FAM3A: variants seen among roughly 807,000 people sequenced by gnomAD.
FAM3A encodes protein FAM3A.
A neutral mutation model predicts 18.1 loss-of-function variants in FAM3A; 5 were observed. The ratio of observed to expected loss-of-function variants is 0.28; its 90% confidence interval spans 0.14 to 0.58. The LOEUF (loss-of-function observed/expected upper bound fraction) is 0.58. Among genes scored for constraint, FAM3A ranks in the 20% least tolerant of loss-of-function variants. The pLI is 0.91. For missense variants in FAM3A, 154 were observed against 216.6 expected (o/e 0.71, Z 1.81); for synonymous variants, 108 against 90.2 (o/e 1.20, Z -1.12).
chrX:154,508,901 G>T (rs868937215), intron 3 of FAM3A: 15 of 393,021 alleles, frequency 3.8e-5, no homozygotes, highest in Non-Finnish European at 5.8e-5. Flanking sequence ...CAGGCTGGGG[G>T]TCTAGCTGCA....
intron 1 of FAM3A, among the ~76,000 whole-genome samples, chrX:154,514,768 C>G (rs1167354603): frequency 6.3e-5 from 7 of 111,806 alleles, no homozygotes; most frequent in Non-Finnish European, 1.3e-4. Context: ...AGACTGGTCT[C>G]GAACTCTTGA....
In FAM3A at chrX:154,506,762, T is replaced by TGACTCCCTTGGTCTG; in HGVS notation, c.*48_*49insCAGACCAAGGGAGTC. The TGACTCCCTTGGTCTG allele has an allele frequency of 4.7e-6, 5 of 1,074,123 alleles. No homozygotes were observed. Among genetic ancestry groups the TGACTCCCTTGGTCTG allele is most frequent in the Non-Finnish European group, 6.5e-6 (5 of 774,134 alleles). 88.5% of individuals were successfully genotyped at this position (1,074,123 alleles called of 1,213,427 possible). On this transcript the variant is annotated 3_prime_UTR_variant, in exon 9 of 9. Transcript: ENST00000447601. Reference sequence around the variant, plus strand: ...GCCTCTGTCCGCCCGGCAGCGCGCGTGCCTCCCTTGGTCTGGCCTCCCTCG... The same window carrying TGACTCCCTTGGTCTG: ...GCCTCTGTCCGCCCGGCAGCGCGCGTGACTCCCTTGGTCTGGCCTCCCTTGGTCTGGCCTCCCTCG...
intron 1 of FAM3A, 28 bp from the exon 2 acceptor site, chrX:154,512,964 G>T: frequency 9.5e-7 from 1 of 1,056,151 alleles, no homozygotes; most frequent in Non-Finnish European, 1.3e-6. Flanking sequence ...ACAGGGTGGG[G>T]TCACCTCAGA....
intron 3 of FAM3A, chrX:154,510,486 A>G (rs1407663714): frequency 1.0e-5 from 1 of 97,303 alleles, no homozygotes; most frequent in Non-Finnish European, 2.0e-5. Context: ...GGATGATACC[A>G]CTGAACTCCA....
At position 154,506,778 on chromosome X, in the gene FAM3A, G is replaced by A. The variant is rs1557218448; in HGVS notation, c.*33C>T. 25 of 1,160,674 alleles carry A rather than the reference G, an allele frequency of 2.2e-5. No individual in the cohort carries two copies. The highest frequency in any genetic ancestry group is 2.9e-5 in the Non-Finnish European group (25 of 850,989). ...CAGCGCGCGTGCCTCCCTTGGTCTG[G>A]CCTCCCTCGGCCCGGTCCTGGCACT... On this transcript the variant is annotated 3_prime_UTR_variant, in exon 9 of 9. Transcript: ENST00000447601.
chrX:154,506,908 T>C lies in FAM3A; in HGVS notation c.598-2A>G. Reference sequence around the variant, plus strand: ...GCTGTGCTTACTGTTCTTCACGTGCTGTGGGGAGGGGAGCAGAAAGTCATG... The same window carrying C: ...GCTGTGCTTACTGTTCTTCACGTGCCGTGGGGAGGGGAGCAGAAAGTCATG... On this transcript the variant is annotated splice_acceptor_variant, in intron 8 of 8. Coordinates refer to ENST00000447601, the MANE Select transcript of FAM3A (RefSeq NM_021806.4). LOFTEE classifies it high-confidence loss of function. 8.3e-7 allele frequency: 1 copy of C among 1,203,968 alleles called. No individual in the cohort carries two copies. Among genetic ancestry groups the C allele is most frequent in the Non-Finnish European group, 1.1e-6 (1 of 888,869 alleles).
intron 8 of FAM3A, 78 bp downstream of exon 8, chrX:154,507,125 G>T (rs1010717080): frequency 1.2e-5 from 13 of 1,128,128 alleles, no homozygotes; most frequent in African/African-American, 1.1e-4. Context: ...GGCGTGAGCA[G>T]CTGGGGAGGC....
Position 154,512,869 on chromosome X carries a change from C to T in FAM3A, c.81G>A (p.Leu27=), listed in dbSNP as rs781822318. The T allele has an allele frequency of 4.1e-6, 5 of 1,209,766 alleles. No homozygotes were observed. The East Asian group carries it at 1.5e-4, about 36-fold the overall frequency. Residue 27 remains leucine (L), a synonymous_variant, in exon 2 of 9, where the codon CTG becomes CTA. Coordinates refer to ENST00000447601, the MANE Select transcript of FAM3A (RefSeq NM_021806.4). Reference sequence around the variant, plus strand: ...GAGGAAAGCCACTGCCAGGCCCACCCAGGAGGATGCTGACCACGATCCATG... The same window carrying T: ...GAGGAAAGCCACTGCCAGGCCCACCTAGGAGGATGCTGACCACGATCCATG... ...GVTWIVVSIL[L]GGPGSGFPRI...
At chrX:154,513,188 G>A (rs1319393968) in intron 1 of FAM3A, among the ~76,000 whole-genome samples, 2 of 111,552 alleles carry the variant, frequency 1.8e-5, no homozygotes, top group East Asian at 2.8e-4. Flanking sequence ...CTGGGAGGGG[G>A]CCTTCCAGAA....
In FAM3A at chrX:154,506,580, CGGGT is replaced by C. The variant is rs2069532818; in HGVS notation, c.*227_*230del. 1 of 413,211 alleles carries C rather than the reference CGGGT, an allele frequency of 2.4e-6. No homozygotes were observed. Among genetic ancestry groups the C allele is most frequent in the Non-Finnish European group, 4.2e-6 (1 of 235,501 alleles). 34.1% of individuals were successfully genotyped at this position (413,211 alleles called of 1,213,427 possible). A position where few individuals can be genotyped will look rare whatever the true frequency, so the allele number is the denominator to read the frequency against. On this transcript the variant is annotated 3_prime_UTR_variant, in exon 9 of 9. Coordinates refer to ENST00000447601, the MANE Select transcript of FAM3A (RefSeq NM_021806.4). Reference sequence around the variant, plus strand: ...GGGGAACAGTGTTACGAAAAGGAGGCGGGTACCCTGGGCTCCCGTGACAAAGTGC... The same window carrying C: ...GGGGAACAGTGTTACGAAAAGGAGGCACCCTGGGCTCCCGTGACAAAGTGC...
At chrX:154,515,230 C>G (rs2070137130) in intron 1 of FAM3A, among the ~76,000 whole-genome samples, 1 of 112,306 alleles carries the variant, frequency 8.9e-6, no homozygotes, top group African/African-American at 3.2e-5. Flanking sequence ...GAAACCACTC[C>G]CTGCCAGCTG....
intron 2 of FAM3A, 48 bp downstream of exon 2, chrX:154,512,775 C>T (rs2069963713): frequency 2.0e-6 from 2 of 1,009,330 alleles, no homozygotes; most frequent in African/African-American, 1.9e-5. Flanking sequence ...GCCCAGGTGG[C>T]CACCTTGGTG....
chrX:154,507,476 A>G lies in FAM3A; in HGVS notation c.400T>C (p.Leu134=), dbSNP rs1476302164. Residue 134 remains leucine, a synonymous_variant, in exon 7 of 9, where the codon TTG becomes CTG. Coordinates refer to ENST00000447601, the MANE Select transcript of FAM3A (RefSeq NM_021806.4). The stretch of plus-strand genomic sequence containing the variant: ...TCGTGCAGTGGCCGAATAAACTTCA[A>G]CAGGTCGTTGACATCTGGGGGGGCA... ...DMWAGDVNDL[L]KFIRPLHEGT... is the part of the protein sequence containing the mutation. 3.3e-6 allele frequency: 4 copies of G among 1,208,730 alleles called. No homozygotes were observed. The highest frequency in any genetic ancestry group is 3.0e-5 in the East Asian group (1 of 33,747).
Position 154,506,747 on chromosome X carries a change from G to T in FAM3A, c.*64C>A. 1.0e-6 allele frequency: 1 copy of T among 960,662 alleles called. No homozygotes were observed. Among genetic ancestry groups the T allele is most frequent in the Non-Finnish European group, 1.5e-6 (1 of 677,750 alleles). The allele number at this position is 960,662 out of a possible 1,213,427, so 79.2% of individuals were successfully genotyped here. On this transcript the variant is annotated 3_prime_UTR_variant, in exon 9 of 9. Transcript: ENST00000447601. ...GGGGTGTGAGCCTCAGCCTCTGTCC[G>T]CCCGGCAGCGCGCGTGCCTCCCTTG...
intron 8 of FAM3A, 65 bp downstream of exon 8, chrX:154,507,138 G>C (rs1020310819): frequency 1.7e-6 from 2 of 1,149,333 alleles, no homozygotes; most frequent in African/African-American, 3.6e-5. Context: ...GGGGAGGCTC[G>C]TCGCATGCAG....
chrX:154,510,214 A>C (rs2148300013), intron 3 of FAM3A: 1 of 111,556 alleles, frequency 9.0e-6, no homozygotes, highest in Admixed American at 9.5e-5. Flanking sequence ...AAAAAATACA[A>C]AATAAGCTGG....
At chrX:154,507,615 A>G in intron 6 of FAM3A, 125 bp from the exon 7 acceptor site, 1 of 841,700 alleles carries the variant, frequency 1.2e-6, no homozygotes, top group Non-Finnish European at 1.7e-6. Flanking sequence ...GCCAAGGGAC[A>G]GGCTGGTGTA....
At chrX:154,508,143 G>C (rs1392012324) in intron 5 of FAM3A, 146 bp downstream of exon 5, 1 of 478,978 alleles carries the variant, frequency 2.1e-6, no homozygotes, top group African/African-American at 2.4e-5. Context: ...TCACTCCTCT[G>C]TGGAGCCTTG....
At chrX:154,508,370 G>GGGGCCCCCC in intron 4 of FAM3A, 23 bp from the exon 5 acceptor site, 1 of 317,097 alleles carries the variant, frequency 3.2e-6, no homozygotes, top group Non-Finnish European at 5.5e-6. Flanking sequence ...GGGTGGGGGG[G>GGGGCCCCCC]ACGGGGAGAT....
Sources: gnomAD v4.1 joint callset for allele counts (sites outside exome capture counted in the v4.1 genomes callset) on GRCh38, gnomAD v4.1.1 for gene constraint, MANE v1.5 for transcripts, NCBI Gene and HGNC (gene_info 2026-07-23, HGNC 2026-07-21) for gene names.